RCC1L: variants seen among roughly 807,000 people sequenced by gnomAD.
The protein encoded by RCC1L is RCC1-like G exchanging factor-like protein.
In RCC1L, 46 loss-of-function variants were observed where a neutral mutation model predicts 58.6. The ratio of observed to expected loss-of-function variants is 0.79; its 90% CI spans 0.62 to 1.00. The LOEUF is 1.00. RCC1L is among the 50% of genes least tolerant of loss of function. The probability of loss-of-function intolerance (pLI) is 0.00; values close to 1 mark genes in which losing one functional copy is unlikely to be tolerated. For missense variants in RCC1L, 636 were observed against 623.6 expected, an observed-to-expected ratio of 1.02 and a Z score of -0.21; for synonymous variants, 281 against 262.9, an observed-to-expected ratio of 1.07 and a Z score of -0.67.
downstream of RCC1L, among the ~76,000 whole-genome samples, chr7:75,040,719 C>A (rs1361814312): frequency 1.3e-5 from 2 of 152,112 alleles, no homozygotes; most frequent in African/African-American, 4.8e-5. Flanking sequence ...TTAGACCCAG[C>A]CCCAGTAACG....
intron 3 of RCC1L, among the ~76,000 whole-genome samples, chr7:75,065,013 G>A (rs1256973059): frequency 1.3e-5 from 2 of 151,934 alleles, no homozygotes; most frequent in South Asian, 2.1e-4. Flanking sequence ...CTGCCCAGTC[G>A]TCAACTGTCT....
chr7:75,073,404 C>A lies in RCC1L; in HGVS notation c.324+10G>T, dbSNP rs1554446436. On this transcript the variant is annotated intron_variant, in intron 1 of 10. Transcript: ENST00000610322. The stretch of plus-strand genomic sequence containing the variant: ...AGAGAAGGAGAGAAGGAGGAAGCCG[C>A]GGCCTGCACCTTTTGGTCCAGCTCC... 7 of 1,157,538 alleles carry A rather than the reference C, an allele frequency of 6.0e-6. No individual in the cohort carries two copies. Among genetic ancestry groups the A allele is most frequent in the Non-Finnish European group, 7.9e-6 (7 of 886,076 alleles). The allele number at this position is 1,157,538 out of a possible 1,614,324, so 71.7% of individuals were successfully genotyped here.
At chr7:75,069,459 G>C (rs1024566868) in intron 2 of RCC1L, among the ~76,000 whole-genome samples, 1 of 151,598 alleles carries the variant, frequency 6.6e-6, no homozygotes, top group Admixed American at 6.6e-5. Flanking sequence ...CTCCCATCTC[G>C]GCCTCCCAAA....
In RCC1L at chr7:75,073,600, G is replaced by A. The variant is rs1806854748; in HGVS notation, c.138C>T (p.Pro46=). 6 of 1,527,970 alleles carry A rather than the reference G, an allele frequency of 3.9e-6. No homozygotes were observed. The highest frequency in any genetic ancestry group is 4.4e-6 in the Non-Finnish European group (5 of 1,148,650). The allele number at this position is 1,527,970 out of a possible 1,614,324, so 94.7% of individuals were successfully genotyped here. ...CGCGCTCGCCCACGTACTGGACCAC[G>A]GGCACCTCCGCCTCGGCTTCTGCCG... ...REAAEAEAEV[P]VVQYVGERAA... is the part of the protein sequence containing the mutation. Residue 46 remains proline (P), a synonymous_variant, in exon 1 of 11, where the codon CCC becomes CCT. Transcript: ENST00000610322.
chr7:75,050,281 C>G (rs1805863336), intron 10 of RCC1L, among the ~76,000 whole-genome samples: 1 of 152,018 alleles, frequency 6.6e-6, no homozygotes, highest in South Asian at 2.1e-4. Flanking sequence ...GACTCCATCT[C>G]AAAACAATAA....
At chr7:75,061,754 T>C (rs1415915518) in intron 5 of RCC1L, among the ~76,000 whole-genome samples, 1 of 152,200 alleles carries the variant, frequency 6.6e-6, no homozygotes, top group African/African-American at 2.4e-5. Flanking sequence ...AACTGTGGCC[T>C]CTGCACTGTG....
At chr7:75,033,340 A>G (rs1008445850) in intron 10 of RCC1L, among the ~76,000 whole-genome samples, 1 of 152,226 alleles carries the variant, frequency 6.6e-6, no homozygotes, top group Non-Finnish European at 1.5e-5. Context: ...CGGGAGAGTT[A>G]GACTTAGACA....
intron 3 of RCC1L, among the ~76,000 whole-genome samples, chr7:75,064,979 C>T (rs587681921): frequency 2.0e-4 from 31 of 152,208 alleles, no homozygotes; most frequent in African/African-American, 7.2e-4. Flanking sequence ...CGCCTCTGCC[C>T]TGTCTGGGAA....
At chr7:75,040,725 T>TA (rs1805535785), downstream of RCC1L, among the ~76,000 whole-genome samples, 1 of 152,118 alleles carries the variant, frequency 6.6e-6, no homozygotes, top group Non-Finnish European at 1.5e-5. Context: ...CCAGCCCCAG[T>TA]AACGGTTTCA....
chr7:75,030,070 C>T (rs1805257576), intron 10 of RCC1L, among the ~76,000 whole-genome samples: 1 of 152,228 alleles, frequency 6.6e-6, no homozygotes, highest in Non-Finnish European at 1.5e-5. Flanking sequence ...AGCCTGAGGC[C>T]TGAGCCATGG....
intron 1 of RCC1L, among the ~76,000 whole-genome samples, chr7:75,071,656 A>G (rs1368714690): frequency 6.6e-6 from 1 of 152,052 alleles, no homozygotes; most frequent in Non-Finnish European, 1.5e-5. Flanking sequence ...AAAACAAAAC[A>G]AAACAAAACA....
intron 10 of RCC1L, among the ~76,000 whole-genome samples, chr7:75,028,998 A>T (rs1252609246): frequency 2.5e-5 from 3 of 120,766 alleles, no homozygotes; most frequent in Non-Finnish European, 3.8e-5. Flanking sequence ...CTCCGGAAGC[A>T]GCAGCGTAGC....
chr7:75,055,791 C>A, intron 9 of RCC1L, 110 bp downstream of exon 9: 1 of 1,311,904 alleles, frequency 7.6e-7, no homozygotes, highest in Non-Finnish European at 1.1e-6. Flanking sequence ...TACAAAGGCG[C>A]CGTTCTGTTG....
chr7:75,073,428 C>T lies in RCC1L; in HGVS notation c.310G>A (p.Glu104Lys). Residue 104 changes from glutamate to lysine, a missense_variant, in exon 1 of 11, where the codon GAG (glutamate) becomes AAG (lysine). Glu to Lys is a moderately conservative substitution (Grantham distance 56). Coordinates refer to ENST00000610322, the MANE Select transcript of RCC1L (RefSeq NM_030798.5). The part of the protein sequence containing the change: ...RRIQPVPYRL[E>K]LDQKISSAAC... ...GCGGCCTGCACCTTTTGGTCCAGCT[C>T]CAGGCGATAGGGCACGGGCTGGATC... 7.6e-7 allele frequency: 1 copy of T among 1,317,206 alleles called. No homozygotes were observed. Among genetic ancestry groups the T allele is most frequent in the Non-Finnish European group, 9.8e-7 (1 of 1,024,102 alleles). 81.6% of individuals were successfully genotyped at this position (1,317,206 alleles called of 1,614,324 possible).
At position 75,032,547 on chromosome 7, in the gene RCC1L, G is replaced by A. The variant is rs1273960193; in HGVS notation, c.1318-4468C>T. Among the ~76,000 whole-genome samples, 3 of 152,108 alleles carry A rather than the reference G, an allele frequency of 2.0e-5. No individual in the cohort carries two copies. In the East Asian group the frequency reaches 5.8e-4, roughly 29 times the overall value. ...TCTCCTCTCTGAGATTTTCCATGGG[G>A]GGGTAGCTGTGAGCAGGGCAGAGCT... On this transcript the variant is annotated intron_variant, in intron 10 of 10. Coordinates refer to the RCC1L transcript ENST00000614461.
intron 10 of RCC1L, among the ~76,000 whole-genome samples, chr7:75,035,010 G>T (rs998125984): frequency 0.042 from 6,314 of 151,974 alleles, 175 homozygotes; most frequent in Middle Eastern, 0.1. Flanking sequence ...CACCAAGAGG[G>T]TTCCCTAATT....
intron 10 of RCC1L, among the ~76,000 whole-genome samples, chr7:75,045,353 T>G (rs1163082820): frequency 4.6e-5 from 7 of 151,300 alleles, no homozygotes; most frequent in Admixed American, 4.6e-4. Context: ...CTTATTTTTG[T>G]ATTTTTTGTA....
intron 7 of RCC1L, 28 bp from the exon 8 acceptor site, chr7:75,057,644 T>A: frequency 1.9e-6 from 3 of 1,611,118 alleles, no homozygotes; most frequent in Non-Finnish European, 1.7e-6. Context: ...GCCACACTGT[T>A]AGGAAAGCAA....
At chr7:75,064,995 G>A (rs1468041089) in intron 3 of RCC1L, among the ~76,000 whole-genome samples, 1 of 151,946 alleles carries the variant, frequency 6.6e-6, no homozygotes, top group Non-Finnish European at 1.5e-5. Flanking sequence ...GGGAAGTGAG[G>A]AGCGCCTCTG....
Sources: allele counts gnomAD v4.1 joint callset (sites outside exome capture counted in the v4.1 genomes callset), GRCh38; gene constraint gnomAD v4.1.1; transcripts MANE v1.5; gene names NCBI Gene and HGNC (gene_info 2026-07-23, HGNC 2026-07-21).